Variants in CHRDL2 observed in about 807,000 individuals in gnomAD.
The protein encoded by CHRDL2 is chordin like 2.
CHRDL2 carries 41 observed loss-of-function variants against 54.3 expected under a neutral mutation model. The ratio of observed to expected loss-of-function variants is 0.76; its 90% CI spans 0.59 to 0.98. The LOEUF (loss-of-function observed/expected upper bound fraction) is 0.98. Ranked by LOEUF, CHRDL2 falls within the 50% of genes least tolerant of loss-of-function variation. The pLI is 0.00. For synonymous variants in CHRDL2, 220 were observed against 224.3 expected, an observed-to-expected ratio of 0.98 and a Z score of 0.17; for missense variants, 518 against 562.4, an observed-to-expected ratio of 0.92 and a Z score of 0.80.
Position 74,702,920 on chromosome 11 carries a change from G to A in CHRDL2, c.994C>T (p.Pro332Ser), listed in dbSNP as rs2033876315. ...GHSEISSTRC[P>S]KAPGRVLVHT... The stretch of plus-strand genomic sequence containing the variant: ...ACGAGGACCCGGCCCGGTGCCTTGG[G>A]ACACCTGGTAGAACTGATCTCACTG... Residue 332 changes from proline to serine, a missense_variant, in exon 9 of 11, where the codon CCC (proline) becomes TCC (serine). Physicochemically the swap from Pro to Ser is moderately conservative, Grantham distance 74 (BLOSUM62 -1). Transcript: ENST00000376332. 6 of 1,613,984 alleles carry A rather than the reference G, an allele frequency of 3.7e-6. No homozygotes were observed. Among genetic ancestry groups the A allele is most frequent in the Non-Finnish European group, 5.1e-6 (6 of 1,180,008 alleles).
chr11:74,704,216 T>TA (rs944098946), intron 7 of CHRDL2, among the ~76,000 whole-genome samples: 5 of 152,080 alleles, frequency 3.3e-5, no homozygotes, highest in African/African-American at 9.7e-5. Context: ...CGGTAGATGC[T>TA]AAAAAAAATC....
intron 7 of CHRDL2, 135 bp from the exon 8 acceptor site, chr11:74,703,634 G>T: frequency 1.4e-6 from 1 of 706,834 alleles, no homozygotes; most frequent in Non-Finnish European, 2.3e-6. Context: ...TGCCTGCAAA[G>T]CATAGGCCAG....
At position 74,698,676 on chromosome 11, in the gene CHRDL2, TACACACAC is replaced by T. The variant is rs56835377; in HGVS notation, c.1121-1387_1121-1380del. On this transcript the variant is annotated intron_variant, in intron 9 of 10. Transcript: ENST00000376332. ...ATGGATGGATAGATAGATGAACAAA[TACACACAC>T]ACACACACACACACACACACACACA... The T allele has an allele frequency of 7.7e-3, 1,047 of 136,310 alleles. 15 individuals carry two copies. The highest frequency in any genetic ancestry group is 0.025 in the African/African-American group (891 of 36,230). 8.4% of individuals were successfully genotyped at this position (136,310 alleles called of 1,614,324 possible).
At chr11:74,697,393 C>T in intron 9 of CHRDL2, 96 bp from the exon 10 acceptor site, 1 of 794,794 alleles carries the variant, frequency 1.3e-6, no homozygotes, top group Non-Finnish European at 2.2e-6. Context: ...GACCCAATCA[C>T]TCCCTCCCCC....
chr11:74,725,164 T>C (rs1355653605), intron 1 of CHRDL2, among the ~76,000 whole-genome samples: 1 of 151,816 alleles, frequency 6.6e-6, no homozygotes, highest in East Asian at 1.9e-4. Context: ...AGCTAATTTT[T>C]GTATTTTTAG....
intron 2 of CHRDL2, 146 bp downstream of exon 2, chr11:74,718,574 G>T (rs4944942): frequency 3.3e-6 from 2 of 609,732 alleles, no homozygotes; most frequent in Non-Finnish European, 2.9e-6. Context: ...ATATTGAGTA[G>T]TCAGTAGTGA....
intron 2 of CHRDL2, among the ~76,000 whole-genome samples, chr11:74,715,848 C>T (rs2034334986): frequency 6.7e-6 from 1 of 149,524 alleles, no homozygotes; most frequent in Non-Finnish European, 1.5e-5. Context: ...CGTGGTGGTG[C>T]ATGCCTATAA....
intron 4 of CHRDL2, 150 bp downstream of exon 4, chr11:74,710,699 A>C (rs547049971): frequency 9.2e-7 from 1 of 1,091,258 alleles, no homozygotes; most frequent in South Asian, 2.0e-5. Context: ...GGGACAGGAC[A>C]TTCCAAACCC....
At chr11:74,726,805 GAA>G (rs937127760) in intron 1 of CHRDL2, among the ~76,000 whole-genome samples, 8 of 152,186 alleles carry the variant, frequency 5.3e-5, no homozygotes, top group African/African-American at 1.9e-4. Context: ...GATCCAGAGA[GAA>G]GTCAGCCTGG....
In CHRDL2 at chr11:74,708,349, C is replaced by A. The variant is rs914895629; in HGVS notation, c.479G>T (p.Cys160Phe). ...CGLTTCPEPG[C>F]PAPLPLPDSC... Reference sequence around the variant, plus strand: ...GTCTGGCAGCGGGAGGGGTGCTGGGCAGCCTGGTTCGGGGCAGGTTGTGAG... The same window carrying A: ...GTCTGGCAGCGGGAGGGGTGCTGGGAAGCCTGGTTCGGGGCAGGTTGTGAG... Residue 160 changes from cysteine to phenylalanine, a missense_variant, in exon 5 of 11, where the codon TGC becomes TTC. By Grantham distance (205) the Cys-to-Phe change is radical. Transcript: ENST00000376332. 2 of 1,584,810 alleles carry A rather than the reference C, an allele frequency of 1.3e-6. No homozygotes were observed. Among genetic ancestry groups the A allele is most frequent in the Non-Finnish European group, 8.6e-7 (1 of 1,168,914 alleles).
chr11:74,712,432 C>T (rs1034222769), intron 3 of CHRDL2, among the ~76,000 whole-genome samples: 2 of 152,144 alleles, frequency 1.3e-5, no homozygotes, highest in African/African-American at 4.8e-5. Flanking sequence ...GGGAAAATCC[C>T]AAAGTCAGCA....
chr11:74,721,636 C>T (rs2034501639), intron 1 of CHRDL2, among the ~76,000 whole-genome samples: 1 of 152,254 alleles, frequency 6.6e-6, no homozygotes, highest in Non-Finnish European at 1.5e-5. Flanking sequence ...GAAGAACTGC[C>T]AGACGGCGAC....
rs764610716 is a variant in CHRDL2, at chr11:74,704,605, G to C, written c.632C>G (p.Pro211Arg). ...GAGGCCAGTGGGGGCTGGGGTGCCC[G>C]GGCCTCTCTTTCTCCCAGCATCACT... Reference protein sequence around the residue: ...CSSDAGRKRGPGTPAPTGLSA... With the variant: ...CSSDAGRKRGRGTPAPTGLSA... Residue 211 changes from proline (P) to arginine (R), a missense_variant, in exon 7 of 11, where the codon CCG (proline) becomes CGG (arginine). By Grantham distance (103) the Pro-to-Arg change is moderately radical (BLOSUM62 -2). Transcript: ENST00000376332. The C allele has an allele frequency of 4.3e-5, 69 of 1,602,652 alleles. No homozygotes were observed. The highest frequency in any genetic ancestry group is 5.8e-5 in the Non-Finnish European group (68 of 1,174,936).
chr11:74,730,657 CATACT>C, intron 1 of CHRDL2, 145 bp downstream of exon 1: 1 of 728,272 alleles, frequency 1.4e-6, no homozygotes, highest in Non-Finnish European at 2.4e-6. Flanking sequence ...TCCCCCGGCC[CATACT>C]GGTCCTCACG....
chr11:74,717,581 G>A (rs903816185), intron 2 of CHRDL2, among the ~76,000 whole-genome samples: 12 of 152,142 alleles, frequency 7.9e-5, no homozygotes, highest in Non-Finnish European at 1.8e-4. Context: ...GGTGAGTCAG[G>A]AGGAAAGACC....
At chr11:74,724,524 T>C (rs1278686665) in intron 1 of CHRDL2, among the ~76,000 whole-genome samples, 1 of 152,224 alleles carries the variant, frequency 6.6e-6, no homozygotes, top group Non-Finnish European at 1.5e-5. Context: ...GTGGCCCTGT[T>C]TTCAGCCTCA....
At chr11:74,705,513 G>A (rs2033982803) in intron 6 of CHRDL2, among the ~76,000 whole-genome samples, 1 of 152,226 alleles carries the variant, frequency 6.6e-6, no homozygotes, top group African/African-American at 2.4e-5. Context: ...CCCAGCACGG[G>A]CTCAGGCAGA....
At chr11:74,702,555 T>C (rs937366841) in intron 9 of CHRDL2, among the ~76,000 whole-genome samples, 1 of 151,910 alleles carries the variant, frequency 6.6e-6, no homozygotes, top group African/African-American at 2.4e-5. Flanking sequence ...AACAGCGCCT[T>C]CCCCCCAGGA....
chr11:74,721,207 G>C (rs183727663), intron 1 of CHRDL2, among the ~76,000 whole-genome samples: 77 of 143,400 alleles, frequency 5.4e-4, no homozygotes, highest in African/African-American at 1.9e-3. Flanking sequence ...TCTCCAAGGA[G>C]TGAATAATGT....
Sources: allele counts gnomAD v4.1 joint callset (sites outside exome capture counted in the v4.1 genomes callset), GRCh38; gene constraint gnomAD v4.1.1; transcripts MANE v1.5; gene names NCBI Gene and HGNC (gene_info 2026-07-23, HGNC 2026-07-21).